Variants in BICD1 observed in about 807,000 individuals in gnomAD.
BICD1 encodes the protein protein bicaudal D homolog 1.
In BICD1, 35 loss-of-function variants were observed where a neutral mutation model predicts 92.5. That is an observed-to-expected ratio of 0.38 (90% confidence interval 0.29 to 0.50). The LOEUF is 0.50. Ranked by LOEUF, BICD1 falls within the 20% of genes least tolerant of loss-of-function variation. The pLI, the probability that BICD1 is intolerant of heterozygous loss-of-function variation, is 0.93. For missense variants in BICD1, 950 were observed against 1,189.8 expected, an observed-to-expected ratio of 0.80 and a Z score of 2.97; for synonymous variants, 429 against 465.1, an observed-to-expected ratio of 0.92 and a Z score of 1.00.
intron 8 of BICD1, among the ~76,000 whole-genome samples, chr12:32,364,906 G>A (rs1237371130): frequency 6.6e-6 from 1 of 152,076 alleles, no homozygotes; most frequent in Non-Finnish European, 1.5e-5. Flanking sequence ...AGCTATGATA[G>A]CCACCTAGGC....
chr12:32,224,062 A>G (rs1307994259), intron 2 of BICD1, among the ~76,000 whole-genome samples: 1 of 152,246 alleles, frequency 6.6e-6, no homozygotes, highest in Non-Finnish European at 1.5e-5. Flanking sequence ...TGTATCCAGT[A>G]AAAACCAAAG....
Position 32,337,759 on chromosome 12 carries a change from A to T in BICD1, c.2513A>T (p.His838Leu). The T allele has an allele frequency of 2.5e-6, 4 of 1,614,184 alleles. No individual in the cohort carries two copies. Among genetic ancestry groups the T allele is most frequent in the Non-Finnish European group, 3.4e-6 (4 of 1,180,034 alleles). Residue 838 changes from histidine to leucine, a missense_variant, in exon 7 of 10, where the codon CAT (histidine) becomes CTT (leucine). Physicochemically the swap from His to Leu is moderately conservative, Grantham distance 99. Around this residue, in one of 5 missense-constraint regions of BICD1, gnomAD observed 179 missense variants for 186.7 expected, o/e 0.96. Transcript: ENST00000652176. The surrounding 1 kb of genome is among the most constrained non-coding windows in gnomAD (Gnocchi z 4.7). ...CCCACCATAGACACTTACCTCCTGC[A>T]TAGTCAGGGCCCACAGACACCCAAC... The part of the protein sequence containing the change: ...TVPTIDTYLL[H>L]SQGPQTPNIR...
chr12:32,144,014 A>G (rs577872283), intron 1 of BICD1, among the ~76,000 whole-genome samples: 5 of 152,168 alleles, frequency 3.3e-5, no homozygotes, highest in Non-Finnish European at 7.4e-5. Flanking sequence ...TGTATAATAT[A>G]TATTCTGGCC....
In BICD1 at chr12:32,367,553, T is replaced by C. The variant is rs915361290; in HGVS notation, c.2765-117T>C. 8.8e-6 allele frequency: 8 copies of C among 908,668 alleles called. No individual in the cohort carries two copies. The Admixed American group carries it at 1.7e-4, about 20-fold the overall frequency. 56.3% of individuals were successfully genotyped at this position (908,668 alleles called of 1,614,324 possible). ...AAAAAAAAAAGCTGAATCAGGATAT[T>C]TCTGTGTGAATGCACATTCCTCACT... On this transcript the variant is annotated intron_variant, in intron 8 of 9. Coordinates refer to ENST00000652176, the MANE Select transcript of BICD1 (RefSeq NM_001714.4).
chr12:32,374,734 A>ATTTTTTTTTTTT (rs1179747608), intron 9 of BICD1, among the ~76,000 whole-genome samples: 174 of 80,108 alleles, frequency 2.2e-3, no homozygotes, highest in Non-Finnish European at 2.9e-3. Context: ...CGCCCGGCTA[A>ATTTTTTTTTTTT]TTTTTTTTTT....
chr12:32,301,707 C>A (rs537446347), intron 3 of BICD1, among the ~76,000 whole-genome samples: 7 of 151,786 alleles, frequency 4.6e-5, no homozygotes, highest in Non-Finnish European at 1.0e-4. Flanking sequence ...ACTGGGAGAT[C>A]AAGGCTGTAG....
chr12:32,345,693 A>T (rs1938539131), intron 8 of BICD1, among the ~76,000 whole-genome samples: 1 of 152,216 alleles, frequency 6.6e-6, no homozygotes, highest in South Asian at 2.1e-4. Flanking sequence ...TGAGCTCTTT[A>T]AGAAAGCTTG....
intron 2 of BICD1, among the ~76,000 whole-genome samples, chr12:32,260,272 A>G (rs1946824301): frequency 6.6e-6 from 1 of 152,176 alleles, no homozygotes; most frequent in South Asian, 2.1e-4. Flanking sequence ...ACGTTTAAAA[A>G]TTATGACATT....
intron 2 of BICD1, among the ~76,000 whole-genome samples, chr12:32,263,469 C>G (rs1946909703): frequency 6.6e-6 from 1 of 151,360 alleles, no homozygotes; most frequent in Non-Finnish European, 1.5e-5. Flanking sequence ...CTGGTTGAGC[C>G]CGGGAGGCAG....
rs1385399619 is a variant in BICD1, at chr12:32,313,023, C to T, written c.1005+6901C>T. Among the ~76,000 whole-genome samples, 1 of 152,000 alleles carries T rather than the reference C, an allele frequency of 6.6e-6. No individual in the cohort carries two copies. The highest frequency in any genetic ancestry group is 1.5e-5 in the Non-Finnish European group (1 of 67,990). ...ATTACTTAATCAATTTAAAGGTGTC[C>T]TGTATGCTTGTGCTGAAATTTCTGT... On this transcript the variant is annotated intron_variant, in intron 4 of 9. Transcript: ENST00000652176. The surrounding 1 kb of genome is among the most constrained non-coding windows in gnomAD (Gnocchi z 4.2).
chr12:32,162,985 TA>T (rs928936956), intron 1 of BICD1, among the ~76,000 whole-genome samples: 3 of 151,944 alleles, frequency 2.0e-5, no homozygotes, highest in African/African-American at 4.8e-5. Flanking sequence ...GACTCTGTCT[TA>T]AAAAAATAAA....
intron 8 of BICD1, among the ~76,000 whole-genome samples, chr12:32,343,450 G>A (rs1300591203): frequency 2.0e-5 from 3 of 152,072 alleles, no homozygotes; most frequent in South Asian, 2.1e-4. Flanking sequence ...ATTCACAGGC[G>A]GGAGTTGTTA....
chr12:32,336,828 T>C (rs1042039640), intron 6 of BICD1, among the ~76,000 whole-genome samples: 6 of 152,148 alleles, frequency 3.9e-5, no homozygotes, highest in African/African-American at 7.2e-5. Flanking sequence ...TGTCTCCATA[T>C]GGGCTGGGTG....
chr12:32,368,718 T>C (rs1939621898), intron 9 of BICD1, among the ~76,000 whole-genome samples: 1 of 151,738 alleles, frequency 6.6e-6, no homozygotes, highest in South Asian at 2.1e-4. Context: ...AATTAAAAAA[T>C]ATATATCTCA....
At chr12:32,286,994 G>A (rs1947587372) in intron 2 of BICD1, among the ~76,000 whole-genome samples, 1 of 152,166 alleles carries the variant, frequency 6.6e-6, no homozygotes, top group Non-Finnish European at 1.5e-5. Flanking sequence ...ACTCTGATGG[G>A]TGAGTGGAGG....
chr12:32,235,745 G>A (rs1946050194), intron 2 of BICD1, among the ~76,000 whole-genome samples: 1 of 148,878 alleles, frequency 6.7e-6, no homozygotes, highest in Non-Finnish European at 1.5e-5. Context: ...CAGCCACCCA[G>A]GCTGGAGTGC....
chr12:32,124,728 G>C (rs931869175), intron 1 of BICD1, among the ~76,000 whole-genome samples: 1 of 152,152 alleles, frequency 6.6e-6, no homozygotes, highest in African/African-American at 2.4e-5. Context: ...AGTCATTCAG[G>C]AAGATGAAAC....
At chr12:32,235,986 C>T (rs1946059456) in intron 2 of BICD1, among the ~76,000 whole-genome samples, 1 of 151,816 alleles carries the variant, frequency 6.6e-6, no homozygotes, top group Non-Finnish European at 1.5e-5. Context: ...GCGTGAGCCA[C>T]TGCGCCTGGC....
intron 1 of BICD1, among the ~76,000 whole-genome samples, chr12:32,115,573 A>G (rs1405878760): frequency 1.3e-5 from 2 of 152,124 alleles, no homozygotes; most frequent in African/African-American, 4.8e-5. Context: ...CGAGAAGCTC[A>G]GAGTTTGGGT....
Sources: allele counts gnomAD v4.1 joint callset (sites outside exome capture counted in the v4.1 genomes callset), GRCh38; gene constraint gnomAD v4.1.1; regional missense constraint gnomAD v4.1.1; non-coding constraint Gnocchi (gnomAD v3.1); transcripts MANE v1.5; gene names NCBI Gene and HGNC (gene_info 2026-07-23, HGNC 2026-07-21).